RALGAPB: variants seen among roughly 807,000 people sequenced by gnomAD.
RALGAPB encodes the protein ral GTPase-activating protein subunit beta.
A neutral mutation model predicts 161.1 loss-of-function variants in RALGAPB; 25 were observed. The ratio of observed to expected loss-of-function variants is 0.16; its 90% CI spans 0.11 to 0.22. The LOEUF (loss-of-function observed/expected upper bound fraction) is 0.22, where lower values mean the gene tolerates loss of function less well. Ranked by LOEUF, RALGAPB falls within the 10% of genes least tolerant of loss-of-function variation. The pLI is 1.00. For synonymous variants in RALGAPB, 629 were observed against 626.1 expected, an observed-to-expected ratio of 1.00 and a Z score of -0.07; for missense variants, 1,391 against 1,815.2, an observed-to-expected ratio of 0.77 and a Z score of 4.25.
At chr20:38,499,917 A>G (rs1022467542) in intron 5 of RALGAPB, 2 of 204,984 alleles carry the variant, frequency 9.8e-6, no homozygotes, top group Non-Finnish European at 1.9e-5. Flanking sequence ...TGATCATTAA[A>G]ATATGCCTAA....
Position 38,577,714 on chromosome 20 carries a change from C to G in RALGAPB, c.*2747C>G, listed in dbSNP as rs1426223218. The G allele has an allele frequency of 6.6e-6, 1 of 152,416 alleles. No homozygotes were observed. The highest frequency in any genetic ancestry group is 1.5e-5 in the Non-Finnish European group (1 of 68,484). 9.4% of individuals were successfully genotyped at this position (152,416 alleles called of 1,614,324 possible). On this transcript the variant is annotated 3_prime_UTR_variant, in exon 30 of 30. Coordinates refer to ENST00000262879, the MANE Select transcript of RALGAPB (RefSeq NM_020336.4). ...GACTAATCAGACACACACACACACA[C>G]ACACACACACACACACACTCGCATA...
At chr20:38,511,135 A>G (rs1243916741) in intron 6 of RALGAPB, among the ~76,000 whole-genome samples, 1 of 152,120 alleles carries the variant, frequency 6.6e-6, no homozygotes, top group East Asian at 1.9e-4. Flanking sequence ...CCTTGAAGTA[A>G]TATAAATCAC....
At chr20:38,477,732 G>T (rs1193348891) in intron 1 of RALGAPB, among the ~76,000 whole-genome samples, 14 of 152,136 alleles carry the variant, frequency 9.2e-5, no homozygotes, top group Admixed American at 5.2e-4. Context: ...TTCAAAGTAT[G>T]TCAACTTAGG....
intron 1 of RALGAPB, 77 bp downstream of exon 1, chr20:38,473,146 A>C (rs1406878043): frequency 3.0e-6 from 1 of 329,724 alleles, no homozygotes; most frequent in Non-Finnish European, 5.5e-6. Flanking sequence ...CGGTCAAGGG[A>C]CGGCTGAGGC....
chr20:38,497,621 T>TG, intron 4 of RALGAPB, 105 bp downstream of exon 4: 1 of 1,253,984 alleles, frequency 8.0e-7, no homozygotes, highest in Non-Finnish European at 1.1e-6. Context: ...TTTGGCATGA[T>TG]GGTTTACAAA....
At chr20:38,509,260 G>T (rs965275830) in intron 6 of RALGAPB, 52 bp downstream of exon 6, 3 of 1,562,020 alleles carry the variant, frequency 1.9e-6, no homozygotes, top group African/African-American at 1.4e-5. Context: ...GTATCTTAGG[G>T]CAGGAATCAT....
intron 5 of RALGAPB, among the ~76,000 whole-genome samples, chr20:38,508,768 A>G (rs554500895): frequency 6.6e-6 from 1 of 152,280 alleles, no homozygotes; most frequent in African/African-American, 2.4e-5. Context: ...TTTGTTTTCA[A>G]TGTAAAACTT....
intron 10 of RALGAPB, 109 bp from the exon 11 acceptor site, chr20:38,524,669 T>G: frequency 1.2e-6 from 1 of 821,594 alleles, no homozygotes; most frequent in Non-Finnish European, 1.9e-6. Context: ...CTTTAAAGGG[T>G]AAAAATAGTG....
At chr20:38,540,310 T>C (rs1845481347) in intron 17 of RALGAPB, among the ~76,000 whole-genome samples, 1 of 152,246 alleles carries the variant, frequency 6.6e-6, no homozygotes, top group South Asian at 2.1e-4. Flanking sequence ...ATTGCCAGGC[T>C]GCAAACCTAG....
rs895120281 is a variant in RALGAPB at position 38,577,743 on chromosome 20, A to G, written c.*2776A>G. The G allele has an allele frequency of 1.3e-5, 2 of 150,392 alleles. No homozygotes were observed. Among genetic ancestry groups the G allele is most frequent in the African/African-American group, 2.5e-5 (1 of 39,716 alleles). 9.3% of individuals were successfully genotyped at this position (150,392 alleles called of 1,614,324 possible). ...CACACACACACACACTCGCATACTC[A>G]TGCACATTTTCCTTCATTTCCAGAT... is the stretch of plus-strand genomic sequence containing the variant. On this transcript the variant is annotated 3_prime_UTR_variant, in exon 30 of 30. Transcript: ENST00000262879.
intron 23 of RALGAPB, among the ~76,000 whole-genome samples, chr20:38,561,850 CA>C (rs1475229186): frequency 6.6e-6 from 1 of 152,052 alleles, no homozygotes; most frequent in Non-Finnish European, 1.5e-5. Context: ...TTATGACAAC[CA>C]AAAATGTCTC....
chr20:38,553,977 C>G lies in RALGAPB; in HGVS notation c.3273C>G (p.Asp1091Glu), dbSNP rs2087486076. ...EEELQKRSFP[D>E]PVTDCKPPPP... ...AATTGCAGAAGAGAAGTTTTCCTGA[C>G]CCAGTTACGGATTGCAAGCCCCCGC... The change falls in exon 22 of 30, where the codon GAC (aspartate) becomes GAG (glutamate). Residue 1091 changes from aspartate (D) to glutamate (E), a missense_variant. Asp to Glu is a conservative substitution (Grantham distance 45). Transcript: ENST00000262879. 1 of 1,613,368 alleles carries G rather than the reference C, an allele frequency of 6.2e-7. No individual in the cohort carries two copies.
At chr20:38,564,371 G>A (rs1444557490) in intron 24 of RALGAPB, among the ~76,000 whole-genome samples, 3 of 152,128 alleles carry the variant, frequency 2.0e-5, no homozygotes, top group Non-Finnish European at 2.9e-5. Context: ...TATCTGTCTG[G>A]TCCTTTACAG....
intron 24 of RALGAPB, among the ~76,000 whole-genome samples, chr20:38,563,822 C>A (rs1187629575): frequency 6.6e-6 from 1 of 152,138 alleles, no homozygotes; most frequent in Non-Finnish European, 1.5e-5. Flanking sequence ...TGTTTTATTT[C>A]TTTACAATTT....
intron 23 of RALGAPB, among the ~76,000 whole-genome samples, chr20:38,559,002 G>C (rs1177104456): frequency 6.6e-6 from 1 of 152,188 alleles, no homozygotes; most frequent in Non-Finnish European, 1.5e-5. Flanking sequence ...TTTTGTACTT[G>C]ATGCCTAAAG....
At chr20:38,525,810 T>G in intron 12 of RALGAPB, 85 bp from the exon 13 acceptor site, 1 of 1,374,184 alleles carries the variant, frequency 7.3e-7, no homozygotes, top group South Asian at 1.3e-5. Context: ...CTCATTATAC[T>G]GATCCGTTCC....
intron 6 of RALGAPB, among the ~76,000 whole-genome samples, chr20:38,512,353 T>G (rs1600902695): frequency 1.3e-5 from 2 of 152,278 alleles, no homozygotes; most frequent in Admixed American, 1.3e-4. Context: ...TCGGATGCAG[T>G]AAGACTTGGA....
chr20:38,520,524 C>CT (rs775371608), intron 9 of RALGAPB, among the ~76,000 whole-genome samples: 7,889 of 70,120 alleles, frequency 0.11, 529 homozygotes, highest in African/African-American at 0.22. Context: ...TGTGTTTTGG[C>CT]TTTTTTTTTT....
chr20:38,503,420 ACT>A (rs2085655038), intron 5 of RALGAPB, among the ~76,000 whole-genome samples: 2 of 152,152 alleles, frequency 1.3e-5, no homozygotes, highest in Admixed American at 1.3e-4. Flanking sequence ...CTAATGAATG[ACT>A]CTGAGGGGTT....
Sources: gnomAD v4.1 joint callset for allele counts (sites outside exome capture counted in the v4.1 genomes callset) on GRCh38, gnomAD v4.1.1 for gene constraint, MANE v1.5 for transcripts, NCBI Gene and HGNC (gene_info 2026-07-23, HGNC 2026-07-21) for gene names.